The following RIMBP2 variants were observed in gnomAD, a reference collection of about 807,000 sequenced individuals.
RIMBP2 encodes RIMS binding protein 2.
Under a neutral mutation model 118.6 loss-of-function variants are expected in RIMBP2, and 48 were observed. The ratio of observed to expected loss-of-function variants is 0.40; its 90% CI spans 0.32 to 0.51. The LOEUF is 0.51. RIMBP2 is among the 20% of genes least tolerant of loss of function. RIMBP2 has a pLI of 0.41. For synonymous variants in RIMBP2, 762 were observed against 742.9 expected (o/e 1.03, Z -0.42); for missense variants, 1,551 against 1,768.3 (o/e 0.88, Z 2.20).
intron 4 of RIMBP2, among the ~76,000 whole-genome samples, chr12:130,495,836 G>T (rs1032922911): frequency 2.0e-5 from 3 of 152,198 alleles, no homozygotes; most frequent in Non-Finnish European, 4.4e-5. Flanking sequence ...CCACTTTAAA[G>T]ATGAGAGAAC....
intron 1 of RIMBP2, among the ~76,000 whole-genome samples, chr12:130,682,882 A>G (rs756111337): frequency 3.9e-5 from 6 of 152,252 alleles, no homozygotes; most frequent in Non-Finnish European, 8.8e-5. Context: ...ACATCCAAGT[A>G]TTTCTTTCAG....
rs1455257392 is a variant in RIMBP2, at chr12:130,399,796, C to G, written c.3783G>C (p.Gln1261His). 6.2e-7 allele frequency: 1 copy of G among 1,614,160 alleles called. No homozygotes were observed. Among genetic ancestry groups the G allele is most frequent in the Non-Finnish European group, 8.5e-7 (1 of 1,179,996 alleles). ...DGFYYGELNG[Q>H]KGLVPSNFLE... ...AGAAGTTTGAGGGCACAAGGCCTTT[C>G]TGCCCATTCAGCTCCCCCTAAAACA... Residue 1261 changes from glutamine to histidine, a missense_variant, in exon 22 of 23, where the codon CAG becomes CAC. By Grantham distance (24) the Gln-to-His change is conservative. Coordinates refer to ENST00000690449, the MANE Select transcript of RIMBP2 (RefSeq NM_001393629.1).
rs866605506 is a variant in RIMBP2, at chr12:130,407,729, G to A, written c.3690C>T (p.Val1230=). ...DPRESSPNVD[V]EAELTFCTGD... ...AAGTGCAGTGTTTGGCTGGTACCTC[G>A]ACATCGACGTTGGGCGAGCTTTCTC... Residue 1230 remains valine, a synonymous_variant, in exon 20 of 23, where the codon GTC becomes GTT. Coordinates refer to ENST00000690449, the MANE Select transcript of RIMBP2 (RefSeq NM_001393629.1). 6.8e-6 allele frequency: 11 copies of A among 1,612,798 alleles called. No individual in the cohort carries two copies. The highest frequency in any genetic ancestry group is 1.3e-5 in the African/African-American group (1 of 74,916).
At chr12:130,453,325 G>A (rs1055854623) in intron 7 of RIMBP2, among the ~76,000 whole-genome samples, 1 of 152,244 alleles carries the variant, frequency 6.6e-6, no homozygotes, top group Non-Finnish European at 1.5e-5. Context: ...CAGGCTGGAG[G>A]AGCCCTGGGT....
chr12:130,693,835 G>A (rs916510157), intron 1 of RIMBP2, among the ~76,000 whole-genome samples: 9 of 152,094 alleles, frequency 5.9e-5, no homozygotes, highest in African/African-American at 1.9e-4. Flanking sequence ...CTTGCCCCTC[G>A]TCCATTACCG....
At chr12:130,678,285 C>T (rs752742842) in intron 1 of RIMBP2, among the ~76,000 whole-genome samples, 5 of 152,208 alleles carry the variant, frequency 3.3e-5, no homozygotes, top group African/African-American at 4.8e-5. Flanking sequence ...GGAGAACAAG[C>T]CCTGGCACAC....
At chr12:130,582,355 T>C (rs2058536601) in intron 2 of RIMBP2, among the ~76,000 whole-genome samples, 1 of 152,060 alleles carries the variant, frequency 6.6e-6, no homozygotes. Context: ...ATTTCAAAGG[T>C]GAAGAAGTGG....
Position 130,506,677 on chromosome 12 carries a change from T to C in RIMBP2, c.-33A>G, listed in dbSNP as rs1053898378. On this transcript the variant is annotated 5_prime_UTR_variant, in exon 4 of 23. Coordinates refer to ENST00000690449, the MANE Select transcript of RIMBP2 (RefSeq NM_001393629.1). Reference sequence around the variant, plus strand: ...AGGACCTGTTCTAGGTTCTCCAGCTTGGCTTGGAGCTGGTGTTTCTCCTTC... The same window carrying C: ...AGGACCTGTTCTAGGTTCTCCAGCTCGGCTTGGAGCTGGTGTTTCTCCTTC... 2 of 985,632 alleles carry C rather than the reference T, an allele frequency of 2.0e-6. No individual in the cohort carries two copies. The highest frequency in any genetic ancestry group is 3.5e-5 in the African/African-American group (2 of 57,202). 61.1% of individuals were successfully genotyped at this position (985,632 alleles called of 1,614,324 possible).
At chr12:130,606,545 G>A (rs2060200245) in intron 2 of RIMBP2, among the ~76,000 whole-genome samples, 1 of 152,204 alleles carries the variant, frequency 6.6e-6, no homozygotes, top group Non-Finnish European at 1.5e-5. Context: ...GAGCCAACAA[G>A]TCCCAAAAGG....
At chr12:130,612,119 T>A (rs1408346216) in intron 2 of RIMBP2, among the ~76,000 whole-genome samples, 1 of 151,872 alleles carries the variant, frequency 6.6e-6, no homozygotes, top group East Asian at 1.9e-4. Flanking sequence ...ACAGCACAGC[T>A]CAGAGTCACG....
intron 1 of RIMBP2, among the ~76,000 whole-genome samples, chr12:130,698,090 T>C (rs1486541688): frequency 2.0e-5 from 3 of 151,824 alleles, no homozygotes. Flanking sequence ...CCCTTCTTCA[T>C]AGGAGGGGCC....
At chr12:130,695,962 G>A (rs1167895772) in intron 1 of RIMBP2, among the ~76,000 whole-genome samples, 2 of 152,080 alleles carry the variant, frequency 1.3e-5, no homozygotes, top group Non-Finnish European at 2.9e-5. Context: ...GACCCCTGGA[G>A]GAGGAGTACA....
At position 130,450,425 on chromosome 12, in the gene RIMBP2, C is replaced by T. The variant is rs2078902823; in HGVS notation, c.505-149G>A. 3 of 656,882 alleles carry T rather than the reference C, an allele frequency of 4.6e-6. No individual in the cohort carries two copies. Among genetic ancestry groups the T allele is most frequent in the South Asian group, 1.7e-5 (1 of 58,482 alleles). The allele number at this position is 656,882 out of a possible 1,614,324, so 40.7% of individuals were successfully genotyped here. ...CACTCCCAGGAGGCACTGCCACCCG[C>T]ACACCCACATGCGAGCTTGGAAAGG... On this transcript the variant is annotated intron_variant, in intron 8 of 22. Transcript: ENST00000690449. The surrounding 1 kb of genome is among the most constrained non-coding windows in gnomAD (Gnocchi z 4.8).
In RIMBP2 at chr12:130,469,445, C is replaced by T. The variant is rs1033730414; in HGVS notation, c.153+1248G>A. ...GGCAACTACCTTTTCTGCCAGGAGA[C>T]GATGCAAATTAAAGTGCGGTGGATA... On this transcript the variant is annotated intron_variant, in intron 6 of 22. Coordinates refer to ENST00000690449, the MANE Select transcript of RIMBP2 (RefSeq NM_001393629.1). The surrounding 1 kb of genome is among the most constrained non-coding windows in gnomAD (Gnocchi z 4.8). Among the ~76,000 whole-genome samples the T allele has an allele frequency of 1.3e-5, 2 of 151,974 alleles. No individual in the cohort carries two copies. The highest frequency in any genetic ancestry group is 2.9e-5 in the Non-Finnish European group (2 of 68,006).
chr12:130,491,809 C>T (rs2048669044), intron 4 of RIMBP2, among the ~76,000 whole-genome samples: 1 of 152,238 alleles, frequency 6.6e-6, no homozygotes, highest in Non-Finnish European at 1.5e-5. Flanking sequence ...GATTATGCGC[C>T]ACGGCCAAAA....
chr12:130,539,649 G>C (rs370307789), intron 2 of RIMBP2, among the ~76,000 whole-genome samples: 2 of 143,680 alleles, frequency 1.4e-5, no homozygotes, highest in African/African-American at 2.6e-5. Context: ...AAATGCAGTC[G>C]ATGAGGTGGC....
At chr12:130,607,241 C>T (rs1248076936) in intron 2 of RIMBP2, among the ~76,000 whole-genome samples, 4 of 152,114 alleles carry the variant, frequency 2.6e-5, no homozygotes, top group Admixed American at 2.6e-4. Context: ...TCCTGTAATG[C>T]ACCTGGGCAG....
chr12:130,591,316 G>A (rs541634685), intron 2 of RIMBP2, among the ~76,000 whole-genome samples: 9 of 152,244 alleles, frequency 5.9e-5, no homozygotes, highest in South Asian at 2.1e-4. Context: ...TGTCCCTGTC[G>A]CAACCACTTT....
chr12:130,538,722 A>G (rs1454739203), intron 2 of RIMBP2, among the ~76,000 whole-genome samples: 1 of 152,224 alleles, frequency 6.6e-6, no homozygotes, highest in East Asian at 1.9e-4. Context: ...AGCTGCTGCC[A>G]GGCCTGGGCA....
Sources: allele counts gnomAD v4.1 joint callset (sites outside exome capture counted in the v4.1 genomes callset), GRCh38; gene constraint gnomAD v4.1.1; non-coding constraint Gnocchi (gnomAD v3.1); transcripts MANE v1.5; gene names NCBI Gene and HGNC (gene_info 2026-07-23, HGNC 2026-07-21).